TYR: variants seen among roughly 807,000 people sequenced by gnomAD.
The protein encoded by TYR is LB24-AB.
TYR carries 58 observed loss-of-function variants against 51.5 expected under a neutral mutation model. The ratio of observed to expected loss-of-function variants is 1.13; its 90% confidence interval spans 0.91 to 1.40. TYR has a LOEUF of 1.40. Ranked by LOEUF, TYR falls within the 40% of genes most tolerant of loss-of-function variation. The pLI is 0.00. For synonymous variants in TYR, 263 were observed against 235.2 expected, an observed-to-expected ratio of 1.12 and a Z score of -1.08; for missense variants, 732 against 647.4, an observed-to-expected ratio of 1.13 and a Z score of -1.42.
chr11:89,277,203 A>C (rs1315931242), intron 3 of TYR, among the ~76,000 whole-genome samples: 1 of 151,812 alleles, frequency 6.6e-6, no homozygotes, highest in Non-Finnish European at 1.5e-5. Context: ...TGTTTTAACA[A>C]GTAACTGCTT....
At chr11:89,257,821 C>T (rs1944411975) in intron 3 of TYR, among the ~76,000 whole-genome samples, 2 of 152,156 alleles carry the variant, frequency 1.3e-5, no homozygotes, top group Admixed American at 6.6e-5. Context: ...AATTTGAATT[C>T]TGAGTGATTT....
At chr11:89,211,878 A>T (rs982178313) in intron 2 of TYR, among the ~76,000 whole-genome samples, 2 of 152,240 alleles carry the variant, frequency 1.3e-5, no homozygotes, top group Non-Finnish European at 2.9e-5. Flanking sequence ...AGGCAGAAAT[A>T]AAGTTGTTCT....
At chr11:89,243,637 G>A (rs1944228180) in intron 3 of TYR, among the ~76,000 whole-genome samples, 1 of 152,070 alleles carries the variant, frequency 6.6e-6, no homozygotes, top group South Asian at 2.1e-4. Flanking sequence ...TGTGCTCAGG[G>A]TAATTCCCAG....
intron 1 of TYR, among the ~76,000 whole-genome samples, chr11:89,180,800 A>G (rs1037757015): frequency 2.0e-5 from 3 of 152,160 alleles, no homozygotes; most frequent in Non-Finnish European, 1.5e-5. Context: ...GGCAAAGGTG[A>G]CAGTCAAACC....
At chr11:89,268,964 G>T (rs551450756) in intron 3 of TYR, among the ~76,000 whole-genome samples, 1 of 152,042 alleles carries the variant, frequency 6.6e-6, no homozygotes, top group East Asian at 1.9e-4. Context: ...CATCTGGTTA[G>T]CTGCTTCTGC....
intron 2 of TYR, among the ~76,000 whole-genome samples, chr11:89,195,115 A>T (rs1455583434): frequency 6.6e-6 from 1 of 152,194 alleles, no homozygotes; most frequent in African/African-American, 2.4e-5. Flanking sequence ...AGAGGAGAGC[A>T]AATGTCAAAA....
chr11:89,203,466 AAC>A (rs1943626551), intron 2 of TYR, among the ~76,000 whole-genome samples: 1 of 152,230 alleles, frequency 6.6e-6, no homozygotes, highest in South Asian at 2.1e-4. Context: ...GGAAAACAGA[AAC>A]ATGATTGTCA....
At chr11:89,230,487 G>A (rs1399080529) in intron 3 of TYR, among the ~76,000 whole-genome samples, 2 of 152,018 alleles carry the variant, frequency 1.3e-5, no homozygotes, top group African/African-American at 4.8e-5. Context: ...TTTTTTTGGA[G>A]AGGAGCCCCA....
intron 2 of TYR, among the ~76,000 whole-genome samples, chr11:89,199,143 C>A (rs893124484): frequency 6.6e-6 from 1 of 152,262 alleles, no homozygotes; most frequent in East Asian, 1.9e-4. Flanking sequence ...GCCACATTTT[C>A]TTAATCCAGT....
At chr11:89,217,714 T>A (rs78640379) in intron 2 of TYR, among the ~76,000 whole-genome samples, 2 of 152,314 alleles carry the variant, frequency 1.3e-5, no homozygotes, top group Admixed American at 1.3e-4. Context: ...ACTTTAGTTC[T>A]GGCCTGGGCT....
chr11:89,212,639 G>A (rs1943775320), intron 2 of TYR, among the ~76,000 whole-genome samples: 1 of 152,058 alleles, frequency 6.6e-6, no homozygotes, highest in East Asian at 1.9e-4. Context: ...AACCGAAAAA[G>A]GAGAATTTTA....
At chr11:89,259,353 C>A (rs1374856477) in intron 3 of TYR, among the ~76,000 whole-genome samples, 3 of 151,972 alleles carry the variant, frequency 2.0e-5, no homozygotes, top group African/African-American at 7.2e-5. Flanking sequence ...TGGCCTTATT[C>A]TTTTTAGTCT....
At chr11:89,265,850 A>T (rs1415129222) in intron 3 of TYR, among the ~76,000 whole-genome samples, 1 of 152,030 alleles carries the variant, frequency 6.6e-6, no homozygotes, top group East Asian at 1.9e-4. Context: ...TTTTTAAGAC[A>T]TACTTTAGTT....
chr11:89,267,298 T>C (rs1380460646), intron 3 of TYR, among the ~76,000 whole-genome samples: 1 of 151,980 alleles, frequency 6.6e-6, no homozygotes, highest in Admixed American at 6.6e-5. Flanking sequence ...GACTCTTACT[T>C]TATAGCACTT....
intron 2 of TYR, among the ~76,000 whole-genome samples, chr11:89,220,084 C>T (rs1334990877): frequency 6.6e-6 from 1 of 152,026 alleles, no homozygotes; most frequent in Non-Finnish European, 1.5e-5. Context: ...GACCCTGCCA[C>T]TTATCTGCTT....
intron 3 of TYR, among the ~76,000 whole-genome samples, chr11:89,277,474 T>C (rs533022164): frequency 1.3e-5 from 2 of 151,854 alleles, no homozygotes; most frequent in African/African-American, 4.8e-5. Context: ...TCCCATGGCT[T>C]CAGTTATCAG....
chr11:89,181,252 G>C (rs1035409816), intron 1 of TYR, among the ~76,000 whole-genome samples: 1 of 152,194 alleles, frequency 6.6e-6, no homozygotes, highest in South Asian at 2.1e-4. Flanking sequence ...TTGACCTCAA[G>C]TGATCTGTCC....
intron 3 of TYR, among the ~76,000 whole-genome samples, chr11:89,257,677 C>T (rs540402352): frequency 7.9e-5 from 12 of 152,118 alleles, no homozygotes; most frequent in Admixed American, 3.3e-4. Context: ...AGAAAAGATG[C>T]GTAGCTGCTG....
chr11:89,183,768 A>G (rs993010755), intron 1 of TYR, among the ~76,000 whole-genome samples: 5 of 152,132 alleles, frequency 3.3e-5, no homozygotes, highest in Non-Finnish European at 7.4e-5. Context: ...AAAGTTAGAT[A>G]TAATAATGAA....
Sources: allele counts gnomAD v4.1 joint callset (sites outside exome capture counted in the v4.1 genomes callset), GRCh38; gene constraint gnomAD v4.1.1; transcripts MANE v1.5; gene names NCBI Gene and HGNC (gene_info 2026-07-23, HGNC 2026-07-21).